Variants in AGBL1 observed in about 807,000 individuals in gnomAD.
AGBL1 encodes the protein cytosolic carboxypeptidase 4.
Under a neutral mutation model 118.9 loss-of-function variants are expected in AGBL1, and 130 were observed. That is an observed-to-expected ratio of 1.09 (90% CI 0.95 to 1.26). The LOEUF (loss-of-function observed/expected upper bound fraction) is 1.26, where lower values mean the gene tolerates loss of function less well. AGBL1 is among the 50% of genes most tolerant of loss of function. The pLI is 0.00. For synonymous variants in AGBL1, 555 were observed against 478.9 expected (o/e 1.16, Z -2.08); for missense variants, 1,584 against 1,298.1 (o/e 1.22, Z -3.38).
rs1417773855 is a variant in AGBL1 at position 86,515,940 on chromosome 15, A to G, written c.2556-6870A>G. ...TATACATTTTAGGGAGACATGAGAT[A>G]GCAATTAATATGTGTAAGATGTACA... On this transcript the variant is annotated intron_variant, in intron 18 of 22. Transcript: ENST00000614907. Among the ~76,000 whole-genome samples the G allele has an allele frequency of 4.6e-5, 7 of 152,338 alleles. No individual in the cohort carries two copies. The East Asian group carries it at 1.4e-3, about 29-fold the overall frequency.
At chr15:86,729,259 G>C (rs910845623) in intron 22 of AGBL1, among the ~76,000 whole-genome samples, 1 of 152,178 alleles carries the variant, frequency 6.6e-6, no homozygotes, top group African/African-American at 2.4e-5. Flanking sequence ...ACTATTTTCT[G>C]AAATCTTCGC....
At chr15:86,595,868 T>C (rs998687975) in intron 21 of AGBL1, among the ~76,000 whole-genome samples, 2 of 151,756 alleles carry the variant, frequency 1.3e-5, no homozygotes, top group African/African-American at 4.8e-5. Flanking sequence ...GATGAATTCA[T>C]AGAGTCTGGA....
intron 5 of AGBL1, among the ~76,000 whole-genome samples, chr15:86,211,347 T>C (rs796762589): frequency 1.3e-5 from 2 of 152,194 alleles, no homozygotes; most frequent in African/African-American, 4.8e-5. Flanking sequence ...AACACTGTTC[T>C]GGAAGAACCA....
rs1024091055 is a variant in AGBL1 at position 86,695,645 on chromosome 15, G to C, written c.3158+21209G>C. Among the ~76,000 whole-genome samples, 10 of 151,824 alleles carry C rather than the reference G, an allele frequency of 6.6e-5. No individual in the cohort carries two copies. The South Asian group carries it at 2.1e-3, about 32-fold the overall frequency. On this transcript the variant is annotated intron_variant, in intron 22 of 22. Coordinates refer to ENST00000614907, the MANE Select transcript of AGBL1 (RefSeq NM_001386094.1). The stretch of plus-strand genomic sequence containing the variant: ...CTTTTCTTCTGCTGGGTTTGGGTTT[G>C]GTTTGTTCTTGTTTCTCTAGTTCCT...
chr15:86,799,494 A>G (rs1647232083), intron 22 of AGBL1, among the ~76,000 whole-genome samples: 1 of 152,136 alleles, frequency 6.6e-6, no homozygotes, highest in East Asian at 1.9e-4. Flanking sequence ...TAATTAATGC[A>G]CGGCTATACC....
chr15:86,882,484 T>C (rs1386424281), intron 22 of AGBL1, among the ~76,000 whole-genome samples: 1 of 152,236 alleles, frequency 6.6e-6, no homozygotes, highest in Non-Finnish European at 1.5e-5. Flanking sequence ...CTGACACTAC[T>C]AATTTTGAGT....
chr15:86,104,455 T>C (rs1330506328), intron 1 of AGBL1, among the ~76,000 whole-genome samples: 1 of 152,218 alleles, frequency 6.6e-6, no homozygotes, highest in African/African-American at 2.4e-5. Context: ...AAGTGCACAG[T>C]GGCTCTGCTG....
intron 17 of AGBL1, among the ~76,000 whole-genome samples, chr15:86,383,216 G>A (rs2081136217): frequency 7.9e-6 from 1 of 126,010 alleles, no homozygotes; most frequent in African/African-American, 3.0e-5. Flanking sequence ...CCTGAGAGAT[G>A]CTGCACTGAA....
At chr15:86,182,859 C>T (rs760344594) in intron 5 of AGBL1, among the ~76,000 whole-genome samples, 13 of 152,084 alleles carry the variant, frequency 8.5e-5, no homozygotes, top group Non-Finnish European at 1.6e-4. Context: ...TTACATGTGG[C>T]GTTTGCAGTT....
At chr15:87,028,980 C>T in exon 25 of AGBL1, 1 of 841,196 alleles carries the variant, frequency 1.2e-6, no homozygotes, top group Non-Finnish European at 1.9e-6. Flanking sequence ...CCTGCACTCC[C>T]TTATCTAGTA....
At chr15:86,925,403 G>T (rs570482997) in intron 23 of AGBL1, among the ~76,000 whole-genome samples, 1 of 152,106 alleles carries the variant, frequency 6.6e-6, no homozygotes, top group Non-Finnish European at 1.5e-5. Context: ...GACATGGTGT[G>T]TAATTATAGG....
intron 17 of AGBL1, among the ~76,000 whole-genome samples, chr15:86,339,798 C>T (rs1292364550): frequency 6.6e-6 from 1 of 152,074 alleles, no homozygotes; most frequent in African/African-American, 2.4e-5. Context: ...GAAACCCCGT[C>T]TCTATTAAAA....
intron 23 of AGBL1, among the ~76,000 whole-genome samples, chr15:86,978,356 A>T (rs1019227117): frequency 1.3e-5 from 2 of 152,206 alleles, no homozygotes; most frequent in Non-Finnish European, 2.9e-5. Context: ...TAGGGCACAT[A>T]TATTAGTGAT....
Position 86,320,452 on chromosome 15 carries a change from T to C in AGBL1, c.2374+25044T>C, listed in dbSNP as rs187281001. Among the ~76,000 whole-genome samples the C allele has an allele frequency of 1.3e-3, 204 of 152,230 alleles. 1 individual carries two copies. The highest frequency in any genetic ancestry group is 0.011 in the Admixed American group (168 of 15,288). On this transcript the variant is annotated intron_variant, in intron 17 of 22. Coordinates refer to ENST00000614907, the MANE Select transcript of AGBL1 (RefSeq NM_001386094.1). The stretch of plus-strand genomic sequence containing the variant: ...GAAAAATGTGATGGATTTTTCTATA[T>C]TTGTTTTGTATTTTAAAATGATATA...
intron 22 of AGBL1, among the ~76,000 whole-genome samples, chr15:86,688,985 GT>G (rs1434388208): frequency 1.3e-5 from 2 of 152,042 alleles, no homozygotes; most frequent in East Asian, 3.9e-4. Context: ...TTTCCATTTA[GT>G]TTTTTACACT....
chr15:86,390,842 G>A (rs936946599), intron 17 of AGBL1, among the ~76,000 whole-genome samples: 1 of 151,400 alleles, frequency 6.6e-6, no homozygotes, highest in Non-Finnish European at 1.5e-5. Context: ...GCAAATTTTT[G>A]TATTTTTAGT....
chr15:86,502,147 C>A (rs1299260600), intron 18 of AGBL1, among the ~76,000 whole-genome samples: 2 of 151,394 alleles, frequency 1.3e-5, no homozygotes, highest in Non-Finnish European at 3.0e-5. Flanking sequence ...GTGTAAAAAC[C>A]TTACACTTCT....
chr15:86,998,657 C>T (rs543156379), intron 24 of AGBL1, among the ~76,000 whole-genome samples: 11 of 152,232 alleles, frequency 7.2e-5, no homozygotes, highest in African/African-American at 2.6e-4. Flanking sequence ...AATGCATGCT[C>T]AGTACTCAAC....
chr15:86,284,492 C>T (rs2079410065), intron 16 of AGBL1, among the ~76,000 whole-genome samples: 2 of 152,098 alleles, frequency 1.3e-5, no homozygotes, highest in Non-Finnish European at 2.9e-5. Context: ...TCAGAACATG[C>T]CTGTAGCATA....
Sources: allele counts gnomAD v4.1 joint callset (sites outside exome capture counted in the v4.1 genomes callset), GRCh38; gene constraint gnomAD v4.1.1; transcripts MANE v1.5; gene names NCBI Gene and HGNC (gene_info 2026-07-23, HGNC 2026-07-21).